ZDHHC14: variants seen among roughly 807,000 people sequenced by gnomAD.
ZDHHC14 encodes the protein zDHHC palmitoyltransferase 14.
Under a neutral mutation model 47.7 loss-of-function variants are expected in ZDHHC14, and 16 were observed. The observed-to-expected ratio is 0.34, with a 90% CI of 0.23 to 0.51. ZDHHC14 has a LOEUF of 0.51. Among genes scored for constraint, ZDHHC14 ranks in the 20% least tolerant of loss-of-function variants. ZDHHC14 has a pLI of 0.97. For missense variants in ZDHHC14, 515 were observed against 662.5 expected, an observed-to-expected ratio of 0.78 and a Z score of 2.44; for synonymous variants, 293 against 278.9, an observed-to-expected ratio of 1.05 and a Z score of -0.50.
At chr6:157,433,890 A>G (rs1486817711) in intron 1 of ZDHHC14, among the ~76,000 whole-genome samples, 4 of 152,102 alleles carry the variant, frequency 2.6e-5, no homozygotes, top group Non-Finnish European at 5.9e-5. Flanking sequence ...GGAGCACTGG[A>G]CTTCTGGGTA....
chr6:157,542,965 C>G (rs1341390332), intron 2 of ZDHHC14, among the ~76,000 whole-genome samples: 3 of 152,086 alleles, frequency 2.0e-5, no homozygotes, highest in Non-Finnish European at 4.4e-5. Context: ...GACTGCAGGC[C>G]CACTCGAGCA....
intron 1 of ZDHHC14, among the ~76,000 whole-genome samples, chr6:157,454,509 T>A (rs1461584589): frequency 6.6e-6 from 1 of 151,456 alleles, no homozygotes; most frequent in Non-Finnish European, 1.5e-5. Flanking sequence ...TTTTTTTTTT[T>A]TTTTTTTGCC....
chr6:157,446,752 C>A (rs1778678361), intron 1 of ZDHHC14, among the ~76,000 whole-genome samples: 1 of 152,124 alleles, frequency 6.6e-6, no homozygotes. Flanking sequence ...GGCTGTATTA[C>A]ACAATGAGTG....
intron 1 of ZDHHC14, among the ~76,000 whole-genome samples, chr6:157,539,431 C>T (rs111831248): frequency 0.018 from 2,792 of 152,088 alleles, 90 homozygotes; most frequent in African/African-American, 0.064. Context: ...AATAAATAAA[C>T]AAACAAACAG....
chr6:157,447,014 G>C (rs565680130), intron 1 of ZDHHC14, among the ~76,000 whole-genome samples: 1 of 152,190 alleles, frequency 6.6e-6, no homozygotes, highest in South Asian at 2.1e-4. Flanking sequence ...AGCTAGTTGG[G>C]AGGTTGAGGC....
intron 1 of ZDHHC14, among the ~76,000 whole-genome samples, chr6:157,389,359 T>G (rs990508253): frequency 6.6e-6 from 1 of 152,228 alleles, no homozygotes; most frequent in Non-Finnish European, 1.5e-5. Flanking sequence ...ATTATGTTCC[T>G]TTACATCCAA....
At chr6:157,382,741 A>G (rs912905789) in intron 1 of ZDHHC14, among the ~76,000 whole-genome samples, 6 of 152,198 alleles carry the variant, frequency 3.9e-5, no homozygotes, top group African/African-American at 7.2e-5. Flanking sequence ...TGAATCTCCC[A>G]TGTAACTTCG....
chr6:157,409,516 C>T (rs1392668332), intron 1 of ZDHHC14, among the ~76,000 whole-genome samples: 1 of 152,174 alleles, frequency 6.6e-6, no homozygotes, highest in Non-Finnish European at 1.5e-5. Flanking sequence ...CCCCTAGGTG[C>T]TGGGTGAATA....
intron 2 of ZDHHC14, among the ~76,000 whole-genome samples, chr6:157,563,499 A>G (rs1562483168): frequency 6.6e-6 from 1 of 152,112 alleles, no homozygotes; most frequent in Non-Finnish European, 1.5e-5. Context: ...TATGCCTCCA[A>G]TACCTGGTTC....
chr6:157,615,257 A>G (rs1784920104), intron 3 of ZDHHC14, among the ~76,000 whole-genome samples: 1 of 152,192 alleles, frequency 6.6e-6, no homozygotes, highest in Non-Finnish European at 1.5e-5. Flanking sequence ...TATGTGAACA[A>G]CAAGAAACAA....
At chr6:157,656,034 A>G (rs1023555359) in intron 8 of ZDHHC14, among the ~76,000 whole-genome samples, 1 of 152,378 alleles carries the variant, frequency 6.6e-6, no homozygotes. Context: ...TGCCTCTGTG[A>G]CAGAGAAGGT....
chr6:157,661,348 C>T (rs1388404010), intron 8 of ZDHHC14, among the ~76,000 whole-genome samples: 3 of 152,176 alleles, frequency 2.0e-5, no homozygotes, highest in African/African-American at 7.2e-5. Flanking sequence ...AAGACTTACT[C>T]ATGTTTGTCA....
At chr6:157,670,215 C>T (rs1158385221) in intron 8 of ZDHHC14, among the ~76,000 whole-genome samples, 4 of 152,208 alleles carry the variant, frequency 2.6e-5, no homozygotes, top group African/African-American at 4.8e-5. Context: ...TGGAGAAGCA[C>T]CGCCGTGGCA....
chr6:157,635,705 C>T (rs1034802866), intron 5 of ZDHHC14, among the ~76,000 whole-genome samples: 18 of 152,206 alleles, frequency 1.2e-4, no homozygotes, highest in African/African-American at 4.3e-4. Flanking sequence ...CACGGCATCC[C>T]CCTTAGGGGC....
At chr6:157,458,849 A>AGTTTTTTTTTT (rs1434832129) in intron 1 of ZDHHC14, among the ~76,000 whole-genome samples, 1 of 81,226 alleles carries the variant, frequency 1.2e-5, no homozygotes, top group African/African-American at 4.6e-5. Flanking sequence ...ATGTGGGTGG[A>AGTTTTTTTTTT]TTTTTTTTTT....
In ZDHHC14 at chr6:157,672,976, C is replaced by A; in HGVS notation, c.1321C>A (p.Pro441Thr). 6.3e-7 allele frequency: 1 copy of A among 1,596,068 alleles called. No individual in the cohort carries two copies. The highest frequency in any genetic ancestry group is 8.5e-7 in the Non-Finnish European group (1 of 1,175,036). Reference protein sequence around the residue: ...DEHMGHQFLTPDEAPSPPRLL... With the variant: ...DEHMGHQFLTTDEAPSPPRLL... ...GCACATGGGCCACCAGTTCCTGACG[C>A]CCGATGAGGCGCCCTCGCCCCCCAG... The change falls in exon 9 of 9, where the codon CCC (proline) becomes ACC (threonine). Residue 441 changes from proline to threonine, a missense_variant. Pro to Thr is a conservative substitution (Grantham distance 38). Transcript: ENST00000359775.
In ZDHHC14 at chr6:157,498,018, G is replaced by A. The variant is rs148583558; in HGVS notation, c.246-44567G>A. Among the ~76,000 whole-genome samples, 71 of 152,282 alleles carry A rather than the reference G, an allele frequency of 4.7e-4. 2 individuals carry two copies. The highest frequency in any genetic ancestry group is 1.5e-3 in the African/African-American group (64 of 41,538). ...CAGGAGCTTTCCATAATCCCTTAACGTGGAAAACTCTGCTTTTCTTCATCT... is the reference window on the plus strand; with the variant it reads ...CAGGAGCTTTCCATAATCCCTTAACATGGAAAACTCTGCTTTTCTTCATCT... On this transcript the variant is annotated intron_variant, in intron 1 of 8. Coordinates refer to ENST00000359775, the MANE Select transcript of ZDHHC14 (RefSeq NM_024630.3).
At chr6:157,402,297 T>C (rs916450076) in intron 1 of ZDHHC14, among the ~76,000 whole-genome samples, 2 of 149,926 alleles carry the variant, frequency 1.3e-5, no homozygotes, top group African/African-American at 4.9e-5. Context: ...TCAGCTGCAG[T>C]AGTGAGATAT....
chr6:157,598,960 A>G (rs1288926561), intron 3 of ZDHHC14, among the ~76,000 whole-genome samples: 1 of 152,220 alleles, frequency 6.6e-6, no homozygotes, highest in Non-Finnish European at 1.5e-5. Flanking sequence ...AAATGTACAA[A>G]CATACCTAAT....
Sources: gnomAD v4.1 joint callset for allele counts (sites outside exome capture counted in the v4.1 genomes callset) on GRCh38, gnomAD v4.1.1 for gene constraint, MANE v1.5 for transcripts, NCBI Gene and HGNC (gene_info 2026-07-23, HGNC 2026-07-21) for gene names.